FGGY: variants seen among roughly 807,000 people sequenced by gnomAD.
FGGY encodes the protein FGGY carbohydrate kinase domain containing.
A neutral mutation model predicts 71.3 loss-of-function variants in FGGY; 72 were observed. The observed-to-expected ratio is 1.01, with a 90% CI of 0.84 to 1.23. The LOEUF (loss-of-function observed/expected upper bound fraction) is 1.23, where lower values mean the gene tolerates loss of function less well. FGGY is among the 50% of genes most tolerant of loss of function. The pLI is 0.00. For synonymous variants in FGGY, 251 were observed against 250.3 expected (o/e 1.00, Z -0.02); for missense variants, 668 against 682.3 (o/e 0.98, Z 0.23).
At chr1:59,303,358 G>A (rs920282125) in intron 1 of FGGY, among the ~76,000 whole-genome samples, 8 of 152,064 alleles carry the variant, frequency 5.3e-5, no homozygotes, top group Admixed American at 2.0e-4. Flanking sequence ...ATCATGCAGT[G>A]TTTGTCTTTC....
At chr1:59,526,466 A>G (rs1419780836) in intron 7 of FGGY, among the ~76,000 whole-genome samples, 1 of 152,208 alleles carries the variant, frequency 6.6e-6, no homozygotes, top group Non-Finnish European at 1.5e-5. Flanking sequence ...CCTTCTCTAG[A>G]TGACTCAGCA....
chr1:59,548,208 A>G (rs997787433), intron 7 of FGGY, among the ~76,000 whole-genome samples: 17 of 152,280 alleles, frequency 1.1e-4, no homozygotes, highest in African/African-American at 4.1e-4. Flanking sequence ...CAGGATTGTT[A>G]TGGGATGAGG....
upstream of FGGY, among the ~76,000 whole-genome samples, chr1:59,296,462 T>G (rs1205233335): frequency 6.6e-6 from 1 of 152,244 alleles, no homozygotes; most frequent in African/African-American, 2.4e-5. Flanking sequence ...CTCCGCAAGG[T>G]GAGTCCCCAG....
In FGGY at chr1:59,698,160, C is replaced by G. The variant is rs144123444; in HGVS notation, c.1512+24027C>G. 9.2e-4 allele frequency among the ~76,000 whole-genome samples: 140 copies of G among 152,224 alleles called. 3 individuals carry two copies. Among genetic ancestry groups the G allele is most frequent in the African/African-American group, 3.1e-3 (130 of 41,534 alleles). On this transcript the variant is annotated intron_variant, in intron 14 of 15. Coordinates refer to ENST00000303721, the MANE Select transcript of FGGY (RefSeq NM_018291.5). ...AATGTGATATATGACATTTTGGCCT[C>G]TCTGAGATGTCTTGTTCCAGCCCAA...
chr1:59,475,916 G>A (rs574673547), intron 6 of FGGY, among the ~76,000 whole-genome samples: 1 of 152,090 alleles, frequency 6.6e-6, no homozygotes. Flanking sequence ...TCCTCCAGTG[G>A]CTCCCCATTG....
chr1:59,668,374 G>T (rs934718037), intron 13 of FGGY, among the ~76,000 whole-genome samples: 3 of 152,188 alleles, frequency 2.0e-5, no homozygotes, highest in Non-Finnish European at 2.9e-5. Flanking sequence ...GAGGGAAAGT[G>T]GGGAAGGGTT....
intron 14 of FGGY, among the ~76,000 whole-genome samples, chr1:59,734,624 T>C (rs1185702586): frequency 6.6e-6 from 1 of 152,208 alleles, no homozygotes; most frequent in African/African-American, 2.4e-5. Context: ...TACATGCATA[T>C]AGACACAGAC....
chr1:59,315,894 G>A (rs2045364138), intron 1 of FGGY, among the ~76,000 whole-genome samples: 1 of 152,142 alleles, frequency 6.6e-6, no homozygotes, highest in Non-Finnish European at 1.5e-5. Flanking sequence ...AACTGAAGAG[G>A]AGGCCTTAAG....
intron 5 of FGGY, among the ~76,000 whole-genome samples, chr1:59,447,610 A>G (rs1415158990): frequency 6.6e-6 from 1 of 152,120 alleles, no homozygotes; most frequent in East Asian, 1.9e-4. Context: ...TAATTGAATC[A>G]TGGGGCTGTT....
chr1:59,725,820 C>T (rs902581803), intron 14 of FGGY, among the ~76,000 whole-genome samples: 1 of 152,012 alleles, frequency 6.6e-6, no homozygotes. Flanking sequence ...TTGATTTGTT[C>T]ATTCTTTGTG....
chr1:59,448,803 G>T (rs1057113610), intron 5 of FGGY, among the ~76,000 whole-genome samples: 4 of 152,100 alleles, frequency 2.6e-5, no homozygotes, highest in Admixed American at 2.0e-4. Flanking sequence ...AGAGCATCAA[G>T]AAATAAAATA....
intron 6 of FGGY, among the ~76,000 whole-genome samples, chr1:59,498,304 G>A (rs574386340): frequency 3.9e-5 from 6 of 152,262 alleles, no homozygotes; most frequent in African/African-American, 1.2e-4. Flanking sequence ...ATCTTAGATT[G>A]TACTTGTAAA....
chr1:59,359,309 G>A (rs981087127), intron 4 of FGGY, among the ~76,000 whole-genome samples: 2 of 152,132 alleles, frequency 1.3e-5, no homozygotes, highest in Admixed American at 1.3e-4. Flanking sequence ...AGGTAAATAT[G>A]AACTCTAGAA....
intron 10 of FGGY, among the ~76,000 whole-genome samples, chr1:59,630,053 G>T (rs2096894319): frequency 1.3e-5 from 2 of 152,242 alleles, no homozygotes; most frequent in East Asian, 3.9e-4. Context: ...AGTCATGGTG[G>T]AAGGGGAAAC....
At chr1:59,754,258 A>G (rs1437978174) in intron 14 of FGGY, among the ~76,000 whole-genome samples, 2 of 152,154 alleles carry the variant, frequency 1.3e-5, no homozygotes, top group Non-Finnish European at 2.9e-5. Context: ...CACATCATAG[A>G]TTTTTGGGGA....
intron 7 of FGGY, among the ~76,000 whole-genome samples, chr1:59,542,906 A>G (rs541910777): frequency 2.6e-5 from 4 of 152,202 alleles, no homozygotes; most frequent in Non-Finnish European, 5.9e-5. Flanking sequence ...CTCATTCCCT[A>G]AGGCACCTAG....
intron 3 of FGGY, among the ~76,000 whole-genome samples, chr1:59,342,647 A>G (rs1459628856): frequency 6.6e-6 from 1 of 152,140 alleles, no homozygotes; most frequent in Non-Finnish European, 1.5e-5. Flanking sequence ...AGAATTATAA[A>G]GGTGGTTTGA....
Position 59,688,548 on chromosome 1 carries a change from TG to T in FGGY, c.1512+14416del, listed in dbSNP as rs201039362. Among the ~76,000 whole-genome samples the T allele has an allele frequency of 2.2e-3, 328 of 152,338 alleles. 10 individuals carry two copies. The East Asian group carries it at 0.031, about 15-fold the overall frequency. On this transcript the variant is annotated intron_variant, in intron 14 of 15. Transcript: ENST00000303721. The stretch of plus-strand genomic sequence containing the variant: ...TCACCTAATTCTCAGAACAGGTTTA[TG>T]TGGAAAGTTTATTGTGTTCATTTTT...
At chr1:59,556,782 T>C (rs2095693660) in intron 8 of FGGY, among the ~76,000 whole-genome samples, 1 of 152,188 alleles carries the variant, frequency 6.6e-6, no homozygotes, top group African/African-American at 2.4e-5. Flanking sequence ...CACTCAAAAA[T>C]GGTGGAGATT....
Sources: gnomAD v4.1 joint callset for allele counts (sites outside exome capture counted in the v4.1 genomes callset) on GRCh38, gnomAD v4.1.1 for gene constraint, MANE v1.5 for transcripts, NCBI Gene and HGNC (gene_info 2026-07-23, HGNC 2026-07-21) for gene names.